Variants in MAGI1 observed in about 807,000 individuals in gnomAD.
MAGI1 encodes the protein membrane associated guanylate kinase, WW and PDZ domain containing 1.
In MAGI1, 58 loss-of-function variants were observed where a neutral mutation model predicts 139.9. That is an observed-to-expected ratio of 0.41 (90% CI 0.34 to 0.52). The LOEUF (loss-of-function observed/expected upper bound fraction) is 0.52. MAGI1 is among the 20% of genes least tolerant of loss of function. The pLI, the probability that MAGI1 is intolerant of heterozygous loss-of-function variation, is 0.12. For missense variants in MAGI1, 1,874 were observed against 1,901.6 expected, an observed-to-expected ratio of 0.99 and a Z score of 0.27; for synonymous variants, 812 against 737.9, an observed-to-expected ratio of 1.10 and a Z score of -1.63.
At chr3:65,684,343 AGCCAAGAT>A (rs1334089175) in intron 1 of MAGI1, among the ~76,000 whole-genome samples, 4 of 152,334 alleles carry the variant, frequency 2.6e-5, no homozygotes, top group Admixed American at 1.3e-4. Flanking sequence ...AACTAGAATC[AGCCAAGAT>A]GCCAAGATGT....
At chr3:65,404,986 G>A (rs1037147372) in intron 12 of MAGI1, among the ~76,000 whole-genome samples, 1 of 152,210 alleles carries the variant, frequency 6.6e-6, no homozygotes, top group East Asian at 1.9e-4. Context: ...TACGGCACCT[G>A]TCTTAATGGG....
intron 1 of MAGI1, among the ~76,000 whole-genome samples, chr3:65,744,258 G>C (rs933378093): frequency 6.6e-6 from 1 of 152,190 alleles, no homozygotes; most frequent in East Asian, 1.9e-4. Flanking sequence ...CAGATGAATA[G>C]TATAGAATCT....
intron 1 of MAGI1, among the ~76,000 whole-genome samples, chr3:65,849,686 G>C (rs1474480544): frequency 1.3e-5 from 2 of 152,064 alleles, no homozygotes; most frequent in African/African-American, 4.8e-5. Flanking sequence ...TAAGATGTCT[G>C]TAAGTGCTTA....
intron 1 of MAGI1, among the ~76,000 whole-genome samples, chr3:65,823,455 G>A (rs557320944): frequency 6.6e-6 from 1 of 152,220 alleles, no homozygotes; most frequent in Non-Finnish European, 1.5e-5. Flanking sequence ...AAATGAAAGA[G>A]AGAACATTTC....
rs560303544 is a variant in MAGI1, at chr3:65,615,100, T to A, written c.430+6872A>T. Among the ~76,000 whole-genome samples the A allele has an allele frequency of 2.6e-5, 4 of 151,584 alleles. No individual in the cohort carries two copies. The South Asian group carries it at 8.4e-4, about 32-fold the overall frequency. ...AAAGGTAAGTAAGGTGGAGTATCAA[T>A]AGAAGTAACTGACATGGACTAGCAT... On this transcript the variant is annotated intron_variant, in intron 2 of 22. Transcript: ENST00000402939.
chr3:65,576,445 C>A (rs1234893798), intron 2 of MAGI1, among the ~76,000 whole-genome samples: 3 of 152,150 alleles, frequency 2.0e-5, no homozygotes, highest in Non-Finnish European at 4.4e-5. Flanking sequence ...ATAAAAGATT[C>A]CAGCTCTAAC....
intron 2 of MAGI1, among the ~76,000 whole-genome samples, chr3:65,541,631 A>T (rs572996957): frequency 9.9e-5 from 15 of 152,214 alleles, no homozygotes; most frequent in Non-Finnish European, 1.9e-4. Context: ...CAAATCAATA[A>T]ACGTAATCTA....
chr3:65,611,254 C>T (rs1332317304), intron 2 of MAGI1, among the ~76,000 whole-genome samples: 2 of 139,432 alleles, frequency 1.4e-5, no homozygotes, highest in South Asian at 2.2e-4. Flanking sequence ...ATACTATATA[C>T]ATATATAGTA....
At chr3:65,506,725 T>C (rs530234957) in intron 2 of MAGI1, among the ~76,000 whole-genome samples, 35 of 152,308 alleles carry the variant, frequency 2.3e-4, no homozygotes, top group African/African-American at 7.2e-4. Flanking sequence ...CCTAATTCCA[T>C]GTTAACCATG....
chr3:65,690,264 C>T (rs74734235), intron 1 of MAGI1, among the ~76,000 whole-genome samples: 11,339 of 152,102 alleles, frequency 0.075, 592 homozygotes, highest in Non-Finnish European at 0.11. Context: ...AAGAGAAAAA[C>T]CAAGGGACAG....
chr3:65,508,130 G>A (rs533623759), intron 2 of MAGI1, among the ~76,000 whole-genome samples: 106 of 152,282 alleles, frequency 7.0e-4, no homozygotes, highest in East Asian at 3.3e-3. Flanking sequence ...TCGGCCGGGC[G>A]CGGTGGCTCA....
chr3:65,674,923 A>G (rs1483779710), intron 1 of MAGI1, among the ~76,000 whole-genome samples: 1 of 152,240 alleles, frequency 6.6e-6, no homozygotes, highest in African/African-American at 2.4e-5. Flanking sequence ...GTAGACACTG[A>G]AAAATGCATT....
chr3:65,689,987 G>A (rs554664792), intron 1 of MAGI1, among the ~76,000 whole-genome samples: 20 of 152,076 alleles, frequency 1.3e-4, no homozygotes, highest in Non-Finnish European at 2.2e-4. Context: ...CCCCTTCCCC[G>A]GCTCAGCACA....
rs768326556 is a variant in MAGI1 at position 65,437,164 on chromosome 3, G to C, written c.1354C>G (p.Pro452Ala). 1 of 1,603,638 alleles carries C rather than the reference G, an allele frequency of 6.2e-7. No homozygotes were observed. Among genetic ancestry groups the C allele is most frequent in the Non-Finnish European group, 8.5e-7 (1 of 1,171,340 alleles). The change falls in exon 10 of 23, where the codon CCA (proline) becomes GCA (alanine). Residue 452 changes from proline (P) to alanine (A), a missense_variant. Physicochemically the swap from Pro to Ala is conservative, Grantham distance 27. Around this residue, in one of 5 missense-constraint regions of MAGI1, gnomAD observed 648 missense variants for 598.1 expected, o/e 1.08. Coordinates refer to ENST00000402939, the MANE Select transcript of MAGI1 (RefSeq NM_001033057.2). ...AAGACAAGTACTTTACCCTGAAGTG[G>C]AACTTCTCTGGCTGGCTCTGGATTG... ...PSNPEPAREV[P>A]LQGKPFFTRN...
chr3:65,435,253 T>C (rs560241899), intron 10 of MAGI1, among the ~76,000 whole-genome samples: 1 of 146,048 alleles, frequency 6.8e-6, no homozygotes, highest in African/African-American at 2.7e-5. Flanking sequence ...TATAAGGAAA[T>C]AAGGAAGAAG....
chr3:65,940,776 A>G (rs2063276902), intron 1 of MAGI1, among the ~76,000 whole-genome samples: 1 of 152,232 alleles, frequency 6.6e-6, no homozygotes, highest in African/African-American at 2.4e-5. Flanking sequence ...ATCAGACTGC[A>G]CAATCCAGAG....
intron 1 of MAGI1, among the ~76,000 whole-genome samples, chr3:65,810,799 T>C (rs1479736259): frequency 6.6e-6 from 1 of 152,250 alleles, no homozygotes; most frequent in Non-Finnish European, 1.5e-5. Flanking sequence ...GGTCCCTTCA[T>C]GGTGCACACA....
intron 4 of MAGI1, among the ~76,000 whole-genome samples, 167 bp downstream of exon 4, chr3:65,478,425 C>G (rs948762731): frequency 1.3e-5 from 2 of 152,088 alleles, no homozygotes; most frequent in East Asian, 3.9e-4. Flanking sequence ...GAAAAGAAGA[C>G]CAGGGAAAGG....
chr3:65,490,444 T>A (rs1951923146), intron 3 of MAGI1, among the ~76,000 whole-genome samples: 1 of 152,172 alleles, frequency 6.6e-6, no homozygotes, highest in Non-Finnish European at 1.5e-5. Flanking sequence ...TCTCTAAATG[T>A]CTTTCCAGCC....
Sources: allele counts gnomAD v4.1 joint callset (sites outside exome capture counted in the v4.1 genomes callset), GRCh38; gene constraint gnomAD v4.1.1; regional missense constraint gnomAD v4.1.1; transcripts MANE v1.5; gene names NCBI Gene and HGNC (gene_info 2026-07-23, HGNC 2026-07-21).